ENDOD1: variants seen among roughly 807,000 people sequenced by gnomAD.
The protein encoded by ENDOD1 is endonuclease domain-containing 1 protein.
In ENDOD1, 9 loss-of-function variants were observed where a neutral mutation model predicts 6.5. That is an observed-to-expected ratio of 1.39 (90% CI 0.84 to 2.43). ENDOD1 has a LOEUF of 2.43. ENDOD1 is among the 30% of genes most tolerant of loss of function. The pLI, the probability that ENDOD1 is intolerant of heterozygous loss-of-function variation, is 0.00. For synonymous variants in ENDOD1, 255 were observed against 255.2 expected, an observed-to-expected ratio of 1.00 and a Z score of 0.01; for missense variants, 648 against 635.5, an observed-to-expected ratio of 1.02 and a Z score of -0.21.
intron 1 of ENDOD1, among the ~76,000 whole-genome samples, chr11:95,118,262 C>T (rs1401870715): frequency 6.6e-6 from 1 of 152,136 alleles, no homozygotes; most frequent in African/African-American, 2.4e-5. Context: ...GAGTTTTGCA[C>T]CTTCAGATGA....
chr11:95,110,493 G>A (rs1426480495), intron 1 of ENDOD1, among the ~76,000 whole-genome samples: 1 of 152,150 alleles, frequency 6.6e-6, no homozygotes, highest in Non-Finnish European at 1.5e-5. Flanking sequence ...AAAAATACCA[G>A]AGGCAAATGC....
intron 1 of ENDOD1, among the ~76,000 whole-genome samples, chr11:95,119,448 T>C (rs782367187): frequency 6.6e-6 from 1 of 152,264 alleles, no homozygotes; most frequent in Non-Finnish European, 1.5e-5. Context: ...TGGGATGAGA[T>C]CAGAAAGAAT....
At chr11:95,122,022 A>C (rs1000723481) in intron 1 of ENDOD1, among the ~76,000 whole-genome samples, 13 of 152,160 alleles carry the variant, frequency 8.5e-5, no homozygotes, top group Admixed American at 2.6e-4. Flanking sequence ...TTGCCATCTG[A>C]AATAACCTTT....
chr11:95,090,033 A>G lies in ENDOD1; in HGVS notation c.106A>G (p.Lys36Glu). The G allele has an allele frequency of 3.1e-6, 5 of 1,597,370 alleles. No individual in the cohort carries two copies. The highest frequency in any genetic ancestry group is 4.3e-6 in the Non-Finnish European group (5 of 1,173,400). Residue 36 changes from lysine (K) to glutamate (E), a missense_variant, in exon 1 of 2, where the codon AAG becomes GAG. Coordinates refer to ENST00000278505, the MANE Select transcript of ENDOD1 (RefSeq NM_015036.3). ...EEEAGFGECD[K>E]FFYAGTPPAG... Reference sequence around the variant, plus strand: ...GGAAGCCGGCTTTGGCGAATGTGACAAGTTCTTCTACGCCGGGACCCCGCC... The same window carrying G: ...GGAAGCCGGCTTTGGCGAATGTGACGAGTTCTTCTACGCCGGGACCCCGCC...
At chr11:95,117,353 G>A (rs114253886) in intron 1 of ENDOD1, among the ~76,000 whole-genome samples, 2,371 of 152,298 alleles carry the variant, frequency 0.016, 54 homozygotes, top group African/African-American at 0.054. Context: ...AGGTTGCCAC[G>A]AGCTGAGATT....
Position 95,128,629 on chromosome 11 carries a change from G to C in ENDOD1, c.553G>C (p.Ala185Pro). The change falls in exon 2 of 2, where the codon GCT (alanine) becomes CCT (proline). Residue 185 changes from alanine (A) to proline (P), a missense_variant. Ala to Pro is a conservative substitution (Grantham distance 27). Coordinates refer to ENST00000278505, the MANE Select transcript of ENDOD1 (RefSeq NM_015036.3). ...GAATCTCCACAGCCTAATGGACCGGGCTTTGACCCCACAGTGTGGCAGTGG... is the reference window on the plus strand; with the variant it reads ...GAATCTCCACAGCCTAATGGACCGGCCTTTGACCCCACAGTGTGGCAGTGG... ...YVNLHSLMDR[A>P]LTPQCGSGED... The C allele has an allele frequency of 6.2e-7, 1 of 1,614,210 alleles. No individual in the cohort carries two copies. Among genetic ancestry groups the C allele is most frequent in the East Asian group, 2.2e-5 (1 of 44,874 alleles).
Position 95,112,871 on chromosome 11 carries a change from G to A in ENDOD1, c.301-15506G>A, listed in dbSNP as rs1049310978. Among the ~76,000 whole-genome samples, 10 of 152,020 alleles carry A rather than the reference G, an allele frequency of 6.6e-5. 1 individual carries two copies. The highest frequency in any genetic ancestry group is 4.6e-4 in the Admixed American group (7 of 15,260). ...GTTTGTATGTATCTGCCTTGTTTCC[G>A]TAAATAGATGGTGACTTTATTGATG... On this transcript the variant is annotated intron_variant, in intron 1 of 1. Coordinates refer to ENST00000278505, the MANE Select transcript of ENDOD1 (RefSeq NM_015036.3).
Position 95,130,588 on chromosome 11 carries a change from T to C in ENDOD1, c.*1009T>C, listed in dbSNP as rs914622897. The C allele has an allele frequency of 6.6e-6, 1 of 152,190 alleles. No individual in the cohort carries two copies. The highest frequency in any genetic ancestry group is 2.4e-5 in the African/African-American group (1 of 41,454). The allele number at this position is 152,190 out of a possible 1,614,324, so 9.4% of individuals were successfully genotyped here. On this transcript the variant is annotated 3_prime_UTR_variant, in exon 2 of 2. Transcript: ENST00000278505. Reference sequence around the variant, plus strand: ...AGTACCCAGCACAGTAAAAATACTCTGACTTATGTCCCTAAATGGTTGTTT... The same window carrying C: ...AGTACCCAGCACAGTAAAAATACTCCGACTTATGTCCCTAAATGGTTGTTT...
At position 95,126,363 on chromosome 11, in the gene ENDOD1, A is replaced by C. The variant is rs561819766; in HGVS notation, c.301-2014A>C. Among the ~76,000 whole-genome samples the C allele has an allele frequency of 2.8e-3, 422 of 152,296 alleles. 1 individual carries two copies. Among genetic ancestry groups the C allele is most frequent in the African/African-American group, 9.6e-3 (399 of 41,546 alleles). On this transcript the variant is annotated intron_variant, in intron 1 of 1. Transcript: ENST00000278505. ...TAGTGAGTAGCACCGATTTTAGGGAATCAGTTAACAAGAATTTACTCATTT... is the reference window on the plus strand; with the variant it reads ...TAGTGAGTAGCACCGATTTTAGGGACTCAGTTAACAAGAATTTACTCATTT...
At chr11:95,123,167 C>G (rs1859278656) in intron 1 of ENDOD1, among the ~76,000 whole-genome samples, 1 of 142,754 alleles carries the variant, frequency 7.0e-6, no homozygotes, top group Non-Finnish European at 1.5e-5. Flanking sequence ...GCAGCCTGAG[C>G]AACAGAGCAA....
intron 1 of ENDOD1, among the ~76,000 whole-genome samples, chr11:95,107,885 T>A (rs1033623244): frequency 6.6e-6 from 1 of 152,104 alleles, no homozygotes; most frequent in Non-Finnish European, 1.5e-5. Flanking sequence ...GCCAGGATGA[T>A]CTCGATCTCC....
At chr11:95,120,321 A>G (rs1181708543) in intron 1 of ENDOD1, among the ~76,000 whole-genome samples, 1 of 152,102 alleles carries the variant, frequency 6.6e-6, no homozygotes, top group African/African-American at 2.4e-5. Context: ...GGCCCATGAC[A>G]TGCTTACCTA....
chr11:95,091,502 A>G (rs673330), intron 1 of ENDOD1, among the ~76,000 whole-genome samples: 29,749 of 152,110 alleles, frequency 0.2, 3,830 homozygotes, highest in East Asian at 0.69. Context: ...TTTAAATCCA[A>G]AATTAGTTTT....
intron 1 of ENDOD1, among the ~76,000 whole-genome samples, chr11:95,111,927 A>G (rs1190112623): frequency 6.6e-6 from 1 of 152,134 alleles, no homozygotes; most frequent in African/African-American, 2.4e-5. Flanking sequence ...TAACCTGCTT[A>G]TCTCTCAAGG....
chr11:95,104,447 TAAAAAA>T (rs10716026), intron 1 of ENDOD1, among the ~76,000 whole-genome samples: 1 of 131,124 alleles, frequency 7.6e-6, no homozygotes, highest in Non-Finnish European at 1.6e-5. Flanking sequence ...GACCCTGTCT[TAAAAAA>T]AAAAAAAAAA....
chr11:95,096,211 C>T (rs1591008855), intron 1 of ENDOD1, among the ~76,000 whole-genome samples: 1 of 81,832 alleles, frequency 1.2e-5, no homozygotes, highest in Non-Finnish European at 2.3e-5. Context: ...TCTAGAATTA[C>T]TGTTAGTCAA....
chr11:95,099,997 G>A (rs935063219), intron 1 of ENDOD1, among the ~76,000 whole-genome samples: 3 of 152,138 alleles, frequency 2.0e-5, no homozygotes, highest in Non-Finnish European at 2.9e-5. Flanking sequence ...AGAAACACAG[G>A]GAAAAGAAAG....
Position 95,090,246 on chromosome 11 carries a change from G to A in ENDOD1, c.300+19G>A, listed in dbSNP as rs1485799943. ...GCCGCAGGTAAGCGAAGTGGTTCCC[G>A]AGCCGGGCTGCGGGCGCCGGAGACC... On this transcript the variant is annotated intron_variant, in intron 1 of 1. Coordinates refer to ENST00000278505, the MANE Select transcript of ENDOD1 (RefSeq NM_015036.3). 86 of 1,361,848 alleles carry A rather than the reference G, an allele frequency of 6.3e-5. No individual in the cohort carries two copies. The highest frequency in any genetic ancestry group is 8.0e-5 in the Non-Finnish European group (84 of 1,053,912). The allele number at this position is 1,361,848 out of a possible 1,614,324, so 84.4% of individuals were successfully genotyped here.
At chr11:95,120,674 G>T (rs1353059409) in intron 1 of ENDOD1, among the ~76,000 whole-genome samples, 1 of 152,106 alleles carries the variant, frequency 6.6e-6, no homozygotes, top group South Asian at 2.1e-4. Context: ...ACCTTGGCTG[G>T]TGTCTCGGTA....
Sources: gnomAD v4.1 joint callset for allele counts (sites outside exome capture counted in the v4.1 genomes callset) on GRCh38, gnomAD v4.1.1 for gene constraint, MANE v1.5 for transcripts, NCBI Gene and HGNC (gene_info 2026-07-23, HGNC 2026-07-21) for gene names.